NEGR1: variants seen among roughly 807,000 people sequenced by gnomAD.
NEGR1 encodes the protein neuronal growth regulator 1, also known as IgLON family member 4.
NEGR1 carries 10 observed loss-of-function variants against 40.9 expected under a neutral mutation model. That is an observed-to-expected ratio of 0.24 (90% confidence interval 0.15 to 0.42). The LOEUF is 0.42. Among genes scored for constraint, NEGR1 ranks in the 10% least tolerant of loss-of-function variants. The probability of loss-of-function intolerance (pLI) is 1.00; values close to 1 mark genes in which losing one functional copy is unlikely to be tolerated. For missense variants in NEGR1, 352 were observed against 438.9 expected (o/e 0.80, Z 1.77); for synonymous variants, 185 against 166.8 (o/e 1.11, Z -0.84).
intron 2 of NEGR1, among the ~76,000 whole-genome samples, chr1:71,832,745 G>A (rs1158932146): frequency 6.6e-6 from 1 of 151,942 alleles, no homozygotes; most frequent in Admixed American, 6.6e-5. Context: ...GGCCCAATTA[G>A]GCAAAATAGA....
At chr1:72,144,493 T>G (rs1364323067) in intron 1 of NEGR1, among the ~76,000 whole-genome samples, 1 of 94,266 alleles carries the variant, frequency 1.1e-5, no homozygotes, top group Non-Finnish European at 2.9e-5. Context: ...GGATATGAAT[T>G]TAATTCAGGA....
chr1:72,110,385 G>A (rs1415395488), intron 1 of NEGR1, among the ~76,000 whole-genome samples: 1 of 151,408 alleles, frequency 6.6e-6, no homozygotes, highest in African/African-American at 2.4e-5. Flanking sequence ...GAATGCACTT[G>A]ACAACTTGAT....
chr1:71,797,654 C>T (rs939925311), intron 2 of NEGR1, among the ~76,000 whole-genome samples: 2 of 152,086 alleles, frequency 1.3e-5, no homozygotes, highest in Non-Finnish European at 2.9e-5. Context: ...ATAGAACTAA[C>T]ATTAAATGCT....
intron 6 of NEGR1, chr1:71,487,170 C>T (rs769370797): frequency 4.6e-5 from 7 of 151,530 alleles, no homozygotes; most frequent in Non-Finnish European, 1.0e-4. Context: ...GATGTAATCC[C>T]TAGTAATCAA....
At chr1:72,163,457 G>T (rs891713004) in intron 1 of NEGR1, among the ~76,000 whole-genome samples, 1 of 151,996 alleles carries the variant, frequency 6.6e-6, no homozygotes, top group African/African-American at 2.4e-5. Flanking sequence ...CATATAATTA[G>T]AAAGGATTAA....
intron 5 of NEGR1, among the ~76,000 whole-genome samples, chr1:71,602,132 A>G (rs1055306438): frequency 3.2e-4 from 48 of 151,568 alleles, no homozygotes; most frequent in Middle Eastern, 3.4e-3. Context: ...TCTAGCCCTA[A>G]CTCCTGTTAT....
chr1:71,865,262 C>A (rs1660076933), intron 2 of NEGR1, among the ~76,000 whole-genome samples: 1 of 152,094 alleles, frequency 6.6e-6, no homozygotes. Context: ...GTATAAAAAT[C>A]TATTTGGTTA....
At chr1:71,674,175 T>A (rs985526927) in intron 4 of NEGR1, among the ~76,000 whole-genome samples, 1 of 152,156 alleles carries the variant, frequency 6.6e-6, no homozygotes, top group Non-Finnish European at 1.5e-5. Context: ...CCCAGGTTGT[T>A]AATAAAATAT....
intron 2 of NEGR1, among the ~76,000 whole-genome samples, chr1:71,825,886 T>G: frequency 6.6e-6 from 1 of 151,924 alleles, no homozygotes; most frequent in East Asian, 1.9e-4. Flanking sequence ...TGTATCCCTT[T>G]TACTACTATT....
At chr1:72,134,886 T>C (rs12036745) in intron 1 of NEGR1, among the ~76,000 whole-genome samples, 37,282 of 150,492 alleles carry the variant, frequency 0.25, 5,011 homozygotes, top group African/African-American at 0.34. Flanking sequence ...CACAGGCATG[T>C]TCCATAACAC....
intron 2 of NEGR1, among the ~76,000 whole-genome samples, chr1:71,780,830 A>G (rs1656690912): frequency 6.6e-6 from 1 of 152,174 alleles, no homozygotes; most frequent in Non-Finnish European, 1.5e-5. Flanking sequence ...CACTTTCACC[A>G]AAAAATGTAG....
Position 71,849,033 on chromosome 1 carries a change from G to T in NEGR1, c.410-72736C>A, listed in dbSNP as rs138992558. Among the ~76,000 whole-genome samples, 803 of 151,878 alleles carry T rather than the reference G, an allele frequency of 5.3e-3. 7 individuals carry two copies. Among genetic ancestry groups the T allele is most frequent in the African/African-American group, 0.019 (771 of 41,392 alleles). ...TGAATCCAGAGGTGGAGGTTTCAGTGAGCCGAGATTGTGCCACGGCACTCC... is the reference window on the plus strand; with the variant it reads ...TGAATCCAGAGGTGGAGGTTTCAGTTAGCCGAGATTGTGCCACGGCACTCC... On this transcript the variant is annotated intron_variant, in intron 2 of 6. Coordinates refer to ENST00000357731, the MANE Select transcript of NEGR1 (RefSeq NM_173808.3).
intron 1 of NEGR1, among the ~76,000 whole-genome samples, chr1:72,124,476 A>G (rs1649933360): frequency 6.6e-6 from 1 of 152,084 alleles, no homozygotes; most frequent in African/African-American, 2.4e-5. Context: ...AATGACAGCA[A>G]CAAACACTCG....
At chr1:71,826,794 A>G (rs1199407010) in intron 2 of NEGR1, among the ~76,000 whole-genome samples, 1 of 151,952 alleles carries the variant, frequency 6.6e-6, no homozygotes, top group East Asian at 1.9e-4. Context: ...TTACCTACAT[A>G]ATTACATTTC....
intron 3 of NEGR1, among the ~76,000 whole-genome samples, chr1:71,750,161 T>C (rs541722322): frequency 1.3e-5 from 2 of 151,294 alleles, no homozygotes; most frequent in African/African-American, 4.9e-5. Flanking sequence ...GCCCGGCTAA[T>C]TTTTTGTATT....
intron 1 of NEGR1, among the ~76,000 whole-genome samples, chr1:72,248,224 G>A (rs955397649): frequency 6.6e-6 from 1 of 152,050 alleles, no homozygotes. Flanking sequence ...TTAACCAATA[G>A]ATACTCAGTC....
At chr1:72,083,958 T>C (rs1388353890) in intron 1 of NEGR1, among the ~76,000 whole-genome samples, 1 of 152,104 alleles carries the variant, frequency 6.6e-6, no homozygotes, top group Non-Finnish European at 1.5e-5. Flanking sequence ...GCTTTGACAA[T>C]GTACAATAAC....
intron 1 of NEGR1, among the ~76,000 whole-genome samples, chr1:72,232,881 G>T (rs1326605338): frequency 6.6e-6 from 1 of 152,126 alleles, no homozygotes; most frequent in South Asian, 2.1e-4. Flanking sequence ...GAAAACAACA[G>T]AAGGACATGA....
At chr1:72,075,649 C>G (rs1647697204) in intron 1 of NEGR1, among the ~76,000 whole-genome samples, 1 of 152,130 alleles carries the variant, frequency 6.6e-6, no homozygotes, top group African/African-American at 2.4e-5. Flanking sequence ...CTACCCAGGT[C>G]CTTTCAACAG....
Sources: gnomAD v4.1 joint callset for allele counts (sites outside exome capture counted in the v4.1 genomes callset) on GRCh38, gnomAD v4.1.1 for gene constraint, MANE v1.5 for transcripts, NCBI Gene and HGNC (gene_info 2026-07-23, HGNC 2026-07-21) for gene names.